Variants in STK32C observed in about 807,000 individuals in gnomAD.
The protein encoded by STK32C is serine/threonine kinase 32C.
STK32C carries 31 observed loss-of-function variants against 56.5 expected under a neutral mutation model. The ratio of observed to expected loss-of-function variants is 0.55; its 90% CI spans 0.41 to 0.74. The LOEUF is 0.74. STK32C is among the 30% of genes least tolerant of loss of function. STK32C has a pLI of 0.00. For synonymous variants in STK32C, 309 were observed against 289.4 expected, an observed-to-expected ratio of 1.07 and a Z score of -0.69; for missense variants, 544 against 676.9, an observed-to-expected ratio of 0.80 and a Z score of 2.18.
At chr10:132,266,685 G>A (rs1026337563) in intron 1 of STK32C, among the ~76,000 whole-genome samples, 5 of 152,006 alleles carry the variant, frequency 3.3e-5, no homozygotes, top group African/African-American at 9.7e-5. Flanking sequence ...GGGCTGGAGG[G>A]GAGGAAGGAA....
intron 7 of STK32C, 58 bp downstream of exon 7, chr10:132,225,175 G>T: frequency 7.0e-7 from 1 of 1,426,372 alleles, no homozygotes; most frequent in Non-Finnish European, 9.5e-7. Flanking sequence ...CCCAGCACTG[G>T]TGGGGGCAGA....
chr10:132,293,496 G>A (rs1207094296), intron 1 of STK32C, among the ~76,000 whole-genome samples: 3 of 152,232 alleles, frequency 2.0e-5, no homozygotes, highest in African/African-American at 7.2e-5. Context: ...GCGGCAGAAT[G>A]AAGGCCCTGT....
intron 1 of STK32C, among the ~76,000 whole-genome samples, chr10:132,280,584 C>A (rs1482206034): frequency 7.1e-6 from 1 of 140,122 alleles, no homozygotes; most frequent in African/African-American, 2.7e-5. Flanking sequence ...CGCCCCTGCA[C>A]CCTGTGATCA....
intron 2 of STK32C, among the ~76,000 whole-genome samples, chr10:132,241,132 C>T (rs1198774679): frequency 6.6e-6 from 1 of 152,226 alleles, no homozygotes; most frequent in African/African-American, 2.4e-5. Context: ...GGAGCACCAG[C>T]CACAGCTTGG....
In STK32C at chr10:132,209,095, C is replaced by T; in HGVS notation, c.1258G>A (p.Asp420Asn). Residue 420 changes from aspartate (D) to asparagine (N), a missense_variant, in exon 11 of 12, where the codon GAC becomes AAC. Around this residue, in one of 3 missense-constraint regions of STK32C, gnomAD observed 277 missense variants for 309.3 expected, o/e 0.90. Transcript: ENST00000298630. ...NSRDSSQSEN[D>N]YLQDCLDAIQ... ...GCATCGAGGCAGTCTTGAAGATAGT[C>T]ATTCTCCTGTGGATGGAAAGGCACA... 1 of 1,613,304 alleles carries T rather than the reference C, an allele frequency of 6.2e-7. No individual in the cohort carries two copies. Among genetic ancestry groups the T allele is most frequent in the Non-Finnish European group, 8.5e-7 (1 of 1,179,644 alleles).
At chr10:132,300,121 A>G (rs1231284225) in intron 1 of STK32C, among the ~76,000 whole-genome samples, 1 of 152,180 alleles carries the variant, frequency 6.6e-6, no homozygotes, top group African/African-American at 2.4e-5. Context: ...CTGCTCTATC[A>G]CACTTTCTGC....
chr10:132,246,652 T>G (rs1252762433), intron 1 of STK32C, among the ~76,000 whole-genome samples: 1 of 152,158 alleles, frequency 6.6e-6, no homozygotes, highest in Non-Finnish European at 1.5e-5. Flanking sequence ...CTCCCCTAAT[T>G]GTCACTCGTG....
chr10:132,255,872 C>G lies in STK32C; in HGVS notation c.263-9917G>C, dbSNP rs986152851. Among the ~76,000 whole-genome samples, 1 of 152,206 alleles carries G rather than the reference C, an allele frequency of 6.6e-6. No homozygotes were observed. The highest frequency in any genetic ancestry group is 2.4e-5 in the African/African-American group (1 of 41,456). ...CATCTCCGAGGGCCCAGCTGGCCAC[C>G]TTCTCCTTCTCCACCGTCCCCTCAC... is the stretch of plus-strand genomic sequence containing the variant. On this transcript the variant is annotated intron_variant, in intron 1 of 11. Coordinates refer to ENST00000298630, the MANE Select transcript of STK32C (RefSeq NM_173575.4). This position sits in a 1 kb window ranked among gnomAD's most constrained non-coding sequence, Gnocchi z 4.6.
intron 10 of STK32C, among the ~76,000 whole-genome samples, chr10:132,214,647 CTG>C (rs2062412738): frequency 6.6e-6 from 1 of 152,156 alleles, no homozygotes; most frequent in Non-Finnish European, 1.5e-5. Flanking sequence ...CAAAAGATAA[CTG>C]TTTAAAATAA....
downstream of STK32C, among the ~76,000 whole-genome samples, chr10:132,321,929 A>G (rs1164865573): frequency 6.6e-6 from 1 of 152,002 alleles, no homozygotes; most frequent in Non-Finnish European, 1.5e-5. Context: ...CTGCTTCTCT[A>G]CTGGAGTCCA....
intron 10 of STK32C, among the ~76,000 whole-genome samples, chr10:132,214,008 A>G (rs551328154): frequency 3.3e-5 from 5 of 152,184 alleles, no homozygotes; most frequent in Admixed American, 6.5e-5. Flanking sequence ...TGAACAGAAT[A>G]TCCAAGAGCT....
At chr10:132,220,248 C>T (rs948271648) in intron 10 of STK32C, among the ~76,000 whole-genome samples, 3 of 152,222 alleles carry the variant, frequency 2.0e-5, no homozygotes, top group African/African-American at 4.8e-5. Context: ...CGACCCCACG[C>T]GGCAGCGAAG....
chr10:132,237,630 G>T (rs556324608), intron 2 of STK32C, among the ~76,000 whole-genome samples: 1 of 152,368 alleles, frequency 6.6e-6, no homozygotes, highest in South Asian at 2.1e-4. Context: ...GCGAGGCACA[G>T]AGGAACCTGA....
chr10:132,324,003 C>G (rs1463357231), downstream of STK32C: 3 of 510,912 alleles, frequency 5.9e-6, no homozygotes, highest in Non-Finnish European at 1.1e-5. Flanking sequence ...AAGAATTAGC[C>G]CAGTCCCTAA....
chr10:132,231,420 T>G (rs538451324), intron 2 of STK32C, among the ~76,000 whole-genome samples: 50 of 152,370 alleles, frequency 3.3e-4, no homozygotes, highest in African/African-American at 1.0e-3. Flanking sequence ...CTCTGTGTCC[T>G]GGAACATTCT....
chr10:132,329,651 G>A (rs1009922931), intron 1 of STK32C, among the ~76,000 whole-genome samples: 2 of 152,238 alleles, frequency 1.3e-5, no homozygotes, highest in Admixed American at 6.5e-5. Flanking sequence ...TGAGAACACA[G>A]AGACCAATAC....
chr10:132,210,029 C>T (rs1043393326), intron 10 of STK32C, among the ~76,000 whole-genome samples: 1 of 152,202 alleles, frequency 6.6e-6, no homozygotes, highest in Admixed American at 6.5e-5. Context: ...CCAGAACGCT[C>T]AACCCTATCT....
intron 1 of STK32C, among the ~76,000 whole-genome samples, chr10:132,246,662 G>C (rs944877708): frequency 6.6e-6 from 1 of 152,238 alleles, no homozygotes; most frequent in Non-Finnish European, 1.5e-5. Flanking sequence ...TGTCACTCGT[G>C]AGACCTGTCC....
chr10:132,229,798 C>T (rs533114279), intron 2 of STK32C, among the ~76,000 whole-genome samples: 2 of 152,342 alleles, frequency 1.3e-5, no homozygotes, highest in South Asian at 2.1e-4. Flanking sequence ...CACAGAGCAC[C>T]GGGCTGGCCC....
Sources: gnomAD v4.1 joint callset for allele counts (sites outside exome capture counted in the v4.1 genomes callset) on GRCh38, gnomAD v4.1.1 for gene constraint, gnomAD v4.1.1 regional missense constraint, Gnocchi (gnomAD v3.1) non-coding constraint, MANE v1.5 for transcripts, NCBI Gene and HGNC (gene_info 2026-07-23, HGNC 2026-07-21) for gene names.